The following NRG3 variants were observed in gnomAD, a reference collection of about 807,000 sequenced individuals.
NRG3 encodes neuregulin 3.
Under a neutral mutation model 66.9 loss-of-function variants are expected in NRG3, and 31 were observed. That is an observed-to-expected ratio of 0.46 (90% CI 0.35 to 0.63). The LOEUF is 0.63. Among genes scored for constraint, NRG3 ranks in the 20% least tolerant of loss-of-function variants. The pLI, the probability that NRG3 is intolerant of heterozygous loss-of-function variation, is 0.00. For missense variants in NRG3, 910 were observed against 878.9 expected, an observed-to-expected ratio of 1.04 and a Z score of -0.45; for synonymous variants, 393 against 359.4, an observed-to-expected ratio of 1.09 and a Z score of -1.06.
At chr10:82,749,848 A>G in intron 3 of NRG3, among the ~76,000 whole-genome samples, 1 of 152,000 alleles carries the variant, frequency 6.6e-6, no homozygotes, top group Non-Finnish European at 1.5e-5. Flanking sequence ...AAAAGCAAAG[A>G]AACAATAACC....
At chr10:82,302,694 G>T (rs1312863876) in intron 1 of NRG3, among the ~76,000 whole-genome samples, 3 of 152,118 alleles carry the variant, frequency 2.0e-5, no homozygotes, top group Non-Finnish European at 4.4e-5. Context: ...TATCCCAAGA[G>T]AACTTCTTGC....
chr10:82,381,474 A>G (rs551609966), intron 2 of NRG3, among the ~76,000 whole-genome samples: 1 of 152,252 alleles, frequency 6.6e-6, no homozygotes, highest in African/African-American at 2.4e-5. Flanking sequence ...CAAAGCAGTT[A>G]AGTAACTCGT....
At chr10:82,201,147 A>G (rs1392271543) in intron 1 of NRG3, among the ~76,000 whole-genome samples, 2 of 148,870 alleles carry the variant, frequency 1.3e-5, no homozygotes, top group Non-Finnish European at 3.0e-5. Flanking sequence ...GCGGTGAGCC[A>G]AGATCGCACC....
chr10:82,464,414 A>G (rs916761047), intron 2 of NRG3, among the ~76,000 whole-genome samples: 2 of 152,196 alleles, frequency 1.3e-5, no homozygotes, highest in African/African-American at 4.8e-5. Context: ...GGGAAGGCTG[A>G]TTGTGCAGCG....
chr10:82,424,146 A>G (rs1336189580), intron 2 of NRG3, among the ~76,000 whole-genome samples: 2 of 151,936 alleles, frequency 1.3e-5, no homozygotes, highest in East Asian at 1.9e-4. Context: ...ACTTCTTTTG[A>G]GCATGTACCC....
At chr10:82,255,590 T>A (rs191818120) in intron 1 of NRG3, among the ~76,000 whole-genome samples, 12,144 of 151,766 alleles carry the variant, frequency 0.08, 848 homozygotes, top group African/African-American at 0.19. Context: ...CTTTTTTTTT[T>A]AAAAAACAAA....
At chr10:82,405,542 C>A (rs2087452302) in intron 2 of NRG3, among the ~76,000 whole-genome samples, 1 of 149,230 alleles carries the variant, frequency 6.7e-6, no homozygotes, top group South Asian at 2.1e-4. Context: ...CTGCAACCTC[C>A]CCCTCCTGGG....
intron 1 of NRG3, among the ~76,000 whole-genome samples, chr10:82,168,317 G>A (rs903223066): frequency 6.6e-6 from 1 of 151,942 alleles, no homozygotes; most frequent in Non-Finnish European, 1.5e-5. Context: ...TGTCCATTTG[G>A]CTTCTCTCTT....
intron 2 of NRG3, among the ~76,000 whole-genome samples, chr10:82,721,893 C>T (rs187613400): frequency 6.4e-4 from 97 of 151,814 alleles, no homozygotes; most frequent in Non-Finnish European, 2.8e-4. Context: ...TGCAATCTTG[C>T]CCAAGCTAGT....
intron 2 of NRG3, among the ~76,000 whole-genome samples, chr10:82,560,890 T>G (rs1483951411): frequency 6.6e-6 from 1 of 152,020 alleles, no homozygotes; most frequent in Non-Finnish European, 1.5e-5. Flanking sequence ...TTTTCAATGA[T>G]GCATGAGTCT....
chr10:82,270,108 G>A (rs1319826004), intron 1 of NRG3, among the ~76,000 whole-genome samples: 5 of 152,102 alleles, frequency 3.3e-5, no homozygotes, highest in Non-Finnish European at 5.9e-5. Context: ...ATTGCACAGC[G>A]TTTACTCTCT....
At chr10:82,087,677 A>G (rs1485797177) in intron 1 of NRG3, among the ~76,000 whole-genome samples, 1 of 152,170 alleles carries the variant, frequency 6.6e-6, no homozygotes, top group East Asian at 1.9e-4. Context: ...TGAATTTTAA[A>G]GAATGATTTA....
chr10:82,375,551 A>AAG (rs397965764), intron 2 of NRG3, among the ~76,000 whole-genome samples: 3 of 151,642 alleles, frequency 2.0e-5, no homozygotes, highest in Non-Finnish European at 2.9e-5. Flanking sequence ...AAAAAAAAAA[A>AAG]TTACTGATAT....
At chr10:82,670,911 A>G (rs908770508) in intron 2 of NRG3, among the ~76,000 whole-genome samples, 1 of 152,136 alleles carries the variant, frequency 6.6e-6, no homozygotes, top group Non-Finnish European at 1.5e-5. Context: ...AATTCTCTGC[A>G]TTTCCCATCA....
chr10:82,311,117 A>C, intron 1 of NRG3, among the ~76,000 whole-genome samples: 1 of 142,422 alleles, frequency 7.0e-6, no homozygotes, highest in African/African-American at 2.8e-5. Flanking sequence ...AGTTGCTCTA[A>C]GATTGAGCCA....
chr10:82,115,220 G>A (rs1394899436), intron 1 of NRG3, among the ~76,000 whole-genome samples: 2 of 151,990 alleles, frequency 1.3e-5, no homozygotes, highest in Non-Finnish European at 2.9e-5. Context: ...GTGGGTTGAG[G>A]TGATGCTTTC....
intron 8 of NRG3, among the ~76,000 whole-genome samples, chr10:82,982,552 A>G (rs1207701998): frequency 1.3e-5 from 2 of 152,196 alleles, no homozygotes; most frequent in African/African-American, 4.8e-5. Flanking sequence ...AGACACTCAC[A>G]TCATGTCTGG....
chr10:82,529,450 T>C (rs1847044362), intron 2 of NRG3, among the ~76,000 whole-genome samples: 1 of 152,206 alleles, frequency 6.6e-6, no homozygotes, highest in Non-Finnish European at 1.5e-5. Context: ...ATGCCTAGAA[T>C]AGTATAAATG....
intron 3 of NRG3, among the ~76,000 whole-genome samples, chr10:82,766,414 A>T (rs1394217203): frequency 6.6e-6 from 1 of 152,194 alleles, no homozygotes; most frequent in Non-Finnish European, 1.5e-5. Context: ...CTTAGAAAAC[A>T]CTTCTTTCAC....
Sources: allele counts gnomAD v4.1 joint callset (sites outside exome capture counted in the v4.1 genomes callset), GRCh38; gene constraint gnomAD v4.1.1; transcripts MANE v1.5; gene names NCBI Gene and HGNC (gene_info 2026-07-23, HGNC 2026-07-21).